CSMD1: variants seen among roughly 807,000 people sequenced by gnomAD.
CSMD1 encodes CUB and Sushi multiple domains 1, also known as CUB and sushi domain-containing protein 1.
Under a neutral mutation model 417.5 loss-of-function variants are expected in CSMD1, and 213 were observed. The observed-to-expected ratio is 0.51, with a 90% CI of 0.46 to 0.57. The LOEUF is 0.57. CSMD1 is among the 20% of genes least tolerant of loss of function. CSMD1 has a pLI of 0.00. For synonymous variants in CSMD1, 2,862 were observed against 1,736.8 expected (o/e 1.65, Z -16.11); for missense variants, 6,923 against 4,529.7 (o/e 1.53, Z -15.17).
intron 1 of CSMD1, among the ~76,000 whole-genome samples, chr8:4,797,330 C>G (rs1357409606): frequency 2.0e-5 from 3 of 152,158 alleles, no homozygotes; most frequent in Admixed American, 2.0e-4. Context: ...GCTGAGAGTG[C>G]ACCTGGAATG....
chr8:4,385,671 A>T (rs1344271585), intron 3 of CSMD1, among the ~76,000 whole-genome samples: 2 of 152,206 alleles, frequency 1.3e-5, no homozygotes, highest in Non-Finnish European at 2.9e-5. Context: ...GGCATTATCC[A>T]AAGCACATGC....
intron 3 of CSMD1, among the ~76,000 whole-genome samples, chr8:4,343,272 G>C (rs1028334349): frequency 5.3e-5 from 8 of 152,026 alleles, no homozygotes; most frequent in Non-Finnish European, 1.2e-4. Flanking sequence ...AGTGGTTGTG[G>C]GGAAGTGAAT....
intron 3 of CSMD1, among the ~76,000 whole-genome samples, chr8:4,291,409 T>G (rs1797355133): frequency 6.6e-6 from 1 of 152,150 alleles, no homozygotes; most frequent in Non-Finnish European, 1.5e-5. Context: ...ATCTCCATAA[T>G]TAAAATACAA....
At chr8:3,293,723 T>C (rs755048404) in intron 25 of CSMD1, among the ~76,000 whole-genome samples, 1 of 151,288 alleles carries the variant, frequency 6.6e-6, no homozygotes, top group Non-Finnish European at 1.5e-5. Flanking sequence ...TAGTTAGCCA[T>C]TCGTTTAATT....
At chr8:3,904,677 C>T (rs1421523222) in intron 5 of CSMD1, among the ~76,000 whole-genome samples, 1 of 145,496 alleles carries the variant, frequency 6.9e-6, no homozygotes, top group African/African-American at 2.6e-5. Context: ...TACTCTGTCA[C>T]CCCGGTTGGA....
intron 2 of CSMD1, among the ~76,000 whole-genome samples, chr8:4,636,298 C>T (rs957679637): frequency 2.6e-5 from 4 of 152,026 alleles, no homozygotes; most frequent in Non-Finnish European, 1.5e-5. Flanking sequence ...ATAATTTTTT[C>T]TTGTTGACAA....
intron 6 of CSMD1, among the ~76,000 whole-genome samples, chr8:3,721,825 A>G (rs1039964974): frequency 2.6e-5 from 4 of 152,162 alleles, no homozygotes; most frequent in African/African-American, 9.7e-5. Context: ...TGAGAAATTA[A>G]TTACAGGGAG....
intron 6 of CSMD1, among the ~76,000 whole-genome samples, chr8:3,729,180 T>C (rs888452362): frequency 1.3e-5 from 2 of 152,352 alleles, no homozygotes; most frequent in African/African-American, 4.8e-5. Flanking sequence ...CAAGACTTAC[T>C]GCCACGCAAT....
chr8:3,833,456 CATTT>C (rs1802485776), intron 5 of CSMD1, among the ~76,000 whole-genome samples: 2 of 152,044 alleles, frequency 1.3e-5, no homozygotes, highest in African/African-American at 4.8e-5. Flanking sequence ...GTTTACAAAT[CATTT>C]ATTAATGCTA....
chr8:3,278,252 G>C (rs1484772904), intron 26 of CSMD1: 6 of 152,216 alleles, frequency 3.9e-5, no homozygotes, highest in South Asian at 2.1e-4. Flanking sequence ...TTACAAGATA[G>C]AGAGGTAGTG....
In CSMD1 at chr8:4,579,640, G is replaced by C. The variant is rs896996659; in HGVS notation, c.302+57702C>G. 2.0e-5 allele frequency among the ~76,000 whole-genome samples: 3 copies of C among 152,174 alleles called. No individual in the cohort carries two copies. In the East Asian group the frequency reaches 5.8e-4, roughly 29 times the overall value. ...GCCTCCCAAAGTTCTGATATTACAG[G>C]TGTGAGCCATCATGCCCGGCCTTAA... On this transcript the variant is annotated intron_variant, in intron 2 of 69. Transcript: ENST00000635120.
At chr8:4,656,128 T>A (rs937391387) in intron 1 of CSMD1, among the ~76,000 whole-genome samples, 4 of 151,880 alleles carry the variant, frequency 2.6e-5, no homozygotes, top group African/African-American at 9.7e-5. Context: ...TGTGTGTCAA[T>A]GAGAGGTGAT....
chr8:4,334,216 C>G (rs927052356), intron 3 of CSMD1, among the ~76,000 whole-genome samples: 17 of 151,974 alleles, frequency 1.1e-4, no homozygotes, highest in African/African-American at 3.9e-4. Flanking sequence ...CCTTAAAATT[C>G]TGTTTGTATC....
At chr8:3,650,346 G>A (rs139496438) in intron 7 of CSMD1, among the ~76,000 whole-genome samples, 1 of 152,184 alleles carries the variant, frequency 6.6e-6, no homozygotes, top group African/African-American at 2.4e-5. Flanking sequence ...TTAGGAAGAT[G>A]AGTATACCTT....
At chr8:4,768,846 G>A (rs1160770328) in intron 1 of CSMD1, among the ~76,000 whole-genome samples, 2 of 152,138 alleles carry the variant, frequency 1.3e-5, no homozygotes, top group African/African-American at 4.8e-5. Context: ...ATATGGGAAG[G>A]GGAGGTGGCT....
chr8:4,238,402 C>A (rs1181520417), intron 3 of CSMD1, among the ~76,000 whole-genome samples: 1 of 152,150 alleles, frequency 6.6e-6, no homozygotes, highest in African/African-American at 2.4e-5. Flanking sequence ...GCCCTGAGCA[C>A]ACATGGTATA....
chr8:3,544,624 G>A (rs1013675215), intron 10 of CSMD1, among the ~76,000 whole-genome samples: 1 of 152,094 alleles, frequency 6.6e-6, no homozygotes, highest in African/African-American at 2.4e-5. Context: ...CGGGGGCCCT[G>A]GGAACGGACC....
chr8:3,416,117 T>C (rs972946868), intron 12 of CSMD1, among the ~76,000 whole-genome samples: 1 of 151,702 alleles, frequency 6.6e-6, no homozygotes, highest in African/African-American at 2.4e-5. Context: ...CTGGATAACA[T>C]GGTGAAACCC....
chr8:3,884,146 A>T (rs2975341), intron 5 of CSMD1, among the ~76,000 whole-genome samples: 5,062 of 152,296 alleles, frequency 0.033, 289 homozygotes, highest in African/African-American at 0.12. Context: ...ATTCCTAAGA[A>T]AATATTTAGG....
Sources: allele counts gnomAD v4.1 joint callset (sites outside exome capture counted in the v4.1 genomes callset), GRCh38; gene constraint gnomAD v4.1.1; transcripts MANE v1.5; gene names NCBI Gene and HGNC (gene_info 2026-07-23, HGNC 2026-07-21).